MTCH2: variants seen among roughly 807,000 people sequenced by gnomAD.
The protein encoded by MTCH2 is mitochondrial carrier homolog 2.
In MTCH2, 25 loss-of-function variants were observed where a neutral mutation model predicts 50.6. The ratio of observed to expected loss-of-function variants is 0.49; its 90% CI spans 0.36 to 0.69. MTCH2 has a LOEUF of 0.69. MTCH2 is among the 30% of genes least tolerant of loss of function. The probability of loss-of-function intolerance (pLI) is 0.00; values close to 1 mark genes in which losing one functional copy is unlikely to be tolerated. For synonymous variants in MTCH2, 106 were observed against 132.0 expected, an observed-to-expected ratio of 0.80 and a Z score of 1.35; for missense variants, 273 against 384.4, an observed-to-expected ratio of 0.71 and a Z score of 2.42.
intron 10 of MTCH2, 91 bp from the exon 11 acceptor site, chr11:47,625,832 G>C: frequency 1.0e-6 from 1 of 973,144 alleles, no homozygotes; most frequent in South Asian, 1.5e-5. Flanking sequence ...CCACTGCGGT[G>C]AGACACTCTA....
intron 9 of MTCH2, 93 bp downstream of exon 9, chr11:47,628,860 G>T: frequency 1.7e-6 from 2 of 1,143,656 alleles, no homozygotes; most frequent in African/African-American, 1.5e-5. Flanking sequence ...TTACAGGTGT[G>T]AGCCACCTCG....
rs2097289250 is a variant in MTCH2 at position 47,617,518 on chromosome 11, G to A, written c.*1315C>T. On this transcript the variant is annotated 3_prime_UTR_variant, in exon 13 of 13. Transcript: ENST00000302503. The stretch of plus-strand genomic sequence containing the variant: ...TTCCTAAACCCCAGGGGAGGGAAGA[G>A]ACCCCTGCATTCTCGTTCTGTCTAA... The A allele has an allele frequency of 6.6e-6, 1 of 152,592 alleles. No individual in the cohort carries two copies. Among genetic ancestry groups the A allele is most frequent in the African/African-American group, 2.4e-5 (1 of 41,434 alleles). The allele number at this position is 152,592 out of a possible 1,614,324, so 9.5% of individuals were successfully genotyped here.
downstream of MTCH2, among the ~76,000 whole-genome samples, chr11:47,616,903 C>T (rs1322257310): frequency 5.9e-5 from 9 of 152,166 alleles, no homozygotes; most frequent in African/African-American, 1.2e-4. Context: ...AGGATGGTCT[C>T]GAATTCTCGA....
intron 4 of MTCH2, among the ~76,000 whole-genome samples, chr11:47,635,137 G>A (rs1274984635): frequency 6.6e-6 from 1 of 152,004 alleles, no homozygotes; most frequent in Non-Finnish European, 1.5e-5. Flanking sequence ...GGAGTGCAGT[G>A]ATGTGATCAT....
chr11:47,614,060 G>C (rs1254264165), downstream of MTCH2, among the ~76,000 whole-genome samples: 1 of 150,818 alleles, frequency 6.6e-6, no homozygotes, highest in Non-Finnish European at 1.5e-5. Context: ...AAGACAGAGA[G>C]AGACCTTGTC....
chr11:47,631,863 A>T lies in MTCH2; in HGVS notation c.370-152T>A. 3.0e-6 allele frequency: 2 copies of T among 667,892 alleles called. 1 individual carries two copies. Among genetic ancestry groups the T allele is most frequent in the South Asian group, 3.8e-5 (2 of 53,222 alleles). The allele number at this position is 667,892 out of a possible 1,614,324, so 41.4% of individuals were successfully genotyped here. The stretch of plus-strand genomic sequence containing the variant: ...TGGAGTCAAGAAGAGTTTGAATGGG[A>T]TGTGAAAGATCTCATTCATTGTCAT... On this transcript the variant is annotated intron_variant, in intron 5 of 12. Transcript: ENST00000302503.
chr11:47,629,103 G>C (rs879071267), intron 8 of MTCH2, 57 bp from the exon 9 acceptor site: 3 of 1,359,084 alleles, frequency 2.2e-6, no homozygotes, highest in Admixed American at 3.8e-5. Context: ...AACATGACAG[G>C]CTCTTCAGTA....
In MTCH2 at chr11:47,617,506, G is replaced by C. The variant is rs965668386; in HGVS notation, c.*1327C>G. 21 of 152,574 alleles carry C rather than the reference G, an allele frequency of 1.4e-4. No individual in the cohort carries two copies. The highest frequency in any genetic ancestry group is 1.5e-5 in the Non-Finnish European group (1 of 68,036). 9.5% of individuals were successfully genotyped at this position (152,574 alleles called of 1,614,324 possible). ...CTCCTCATGAGCTTCCTAAACCCCAGGGGAGGGAAGAGACCCCTGCATTCT... is the reference window on the plus strand; with the variant it reads ...CTCCTCATGAGCTTCCTAAACCCCACGGGAGGGAAGAGACCCCTGCATTCT... On this transcript the variant is annotated 3_prime_UTR_variant, in exon 13 of 13. Coordinates refer to ENST00000302503, the MANE Select transcript of MTCH2 (RefSeq NM_014342.4).
chr11:47,627,102 C>G lies in MTCH2; in HGVS notation c.659G>C (p.Ser220Thr). 6.2e-7 allele frequency: 1 copy of G among 1,602,690 alleles called. No individual in the cohort carries two copies. Among genetic ancestry groups the G allele is most frequent in the Admixed American group, 1.7e-5 (1 of 58,916 alleles). Residue 220 changes from serine to threonine, a missense_variant, in exon 10 of 13, where the codon AGT (serine) becomes ACT (threonine). Around this residue, in one of 2 missense-constraint regions of MTCH2, gnomAD observed 70 missense variants for 140.1 expected, o/e 0.50. Coordinates refer to ENST00000302503, the MANE Select transcript of MTCH2 (RefSeq NM_014342.4). ...CACTCCTGTGACAGCTTGAGAATAA[C>G]TCTTCATTTCATTCATGGTAGAAAC... is the stretch of plus-strand genomic sequence containing the variant. ...SGVSTMNEMKSYSQAVTGFFA... is the reference protein window; with the variant it reads ...SGVSTMNEMKTYSQAVTGFFA...
the MTCH2 span, among the ~76,000 whole-genome samples, chr11:47,604,788 T>C: frequency 2.0e-5 from 3 of 152,236 alleles, no homozygotes; most frequent in East Asian, 5.8e-4. Flanking sequence ...AAAAACAAGG[T>C]GCACAACATA....
downstream of MTCH2, among the ~76,000 whole-genome samples, chr11:47,614,574 C>T (rs768034362): frequency 4.8e-4 from 73 of 152,122 alleles, no homozygotes; most frequent in African/African-American, 1.7e-3. Context: ...TGAGGCAATT[C>T]TCCTGCCTCA....
Position 47,642,439 on chromosome 11 carries a change from G to A in MTCH2, c.27C>T (p.Leu9=). The A allele has an allele frequency of 6.2e-7, 1 of 1,605,936 alleles. No homozygotes were observed. The highest frequency in any genetic ancestry group is 8.5e-7 in the Non-Finnish European group (1 of 1,176,938). Reference sequence around the variant, plus strand: ...ACAGGATGGTGAGACCGGAGCCCAGGAGCACCTGACTGGCCGCGTCCGCCA... The same window carrying A: ...ACAGGATGGTGAGACCGGAGCCCAGAAGCACCTGACTGGCCGCGTCCGCCA... The part of the protein sequence containing the change: MADAASQV[L]LGSGLTILSQ... Residue 9 remains leucine (L), a synonymous_variant, in exon 1 of 13, where the codon CTC becomes CTT. Coordinates refer to ENST00000302503, the MANE Select transcript of MTCH2 (RefSeq NM_014342.4).
intron 4 of MTCH2, among the ~76,000 whole-genome samples, chr11:47,635,302 T>C (rs1484368950): frequency 2.0e-5 from 3 of 152,032 alleles, no homozygotes; most frequent in Admixed American, 2.0e-4. Context: ...CTCAAACTCT[T>C]AGATGCAAGT....
intron 5 of MTCH2, among the ~76,000 whole-genome samples, chr11:47,634,121 G>C (rs2097306272): frequency 6.6e-6 from 1 of 152,156 alleles, no homozygotes; most frequent in South Asian, 2.1e-4. Flanking sequence ...TATCACACAG[G>C]CTGGAGTATG....
chr11:47,637,010 T>C (rs1010107721), intron 3 of MTCH2, among the ~76,000 whole-genome samples: 1 of 148,900 alleles, frequency 6.7e-6, no homozygotes, highest in African/African-American at 2.5e-5. Context: ...CCAGCTGGAG[T>C]GCAATGGTGC....
intron 12 of MTCH2, among the ~76,000 whole-genome samples, chr11:47,620,499 A>C (rs2097292341): frequency 6.6e-6 from 1 of 151,790 alleles, no homozygotes; most frequent in South Asian, 2.1e-4. Flanking sequence ...AACAAAACAA[A>C]AAAATTAACA....
downstream of MTCH2, among the ~76,000 whole-genome samples, chr11:47,616,159 C>A (rs1322093325): frequency 6.6e-6 from 1 of 151,944 alleles, no homozygotes; most frequent in Non-Finnish European, 1.5e-5. Flanking sequence ...AAAATAGAGA[C>A]AGGGTTTTAC....
At chr11:47,636,837 A>G (rs1182076133) in intron 3 of MTCH2, among the ~76,000 whole-genome samples, 2 of 152,166 alleles carry the variant, frequency 1.3e-5, no homozygotes, top group East Asian at 3.9e-4. Context: ...GGACTGCTTG[A>G]GCCCAGGAAT....
chr11:47,605,253 C>A, the MTCH2 span, among the ~76,000 whole-genome samples: 4,125 of 152,202 alleles, frequency 0.027, 61 homozygotes, highest in Middle Eastern at 0.075. Flanking sequence ...CACTGTTTCA[C>A]CCCTTTGTAA....
Sources: allele counts gnomAD v4.1 joint callset (sites outside exome capture counted in the v4.1 genomes callset), GRCh38; gene constraint gnomAD v4.1.1; regional missense constraint gnomAD v4.1.1; transcripts MANE v1.5; gene names NCBI Gene and HGNC (gene_info 2026-07-23, HGNC 2026-07-21).